CREB5: variants seen among roughly 807,000 people sequenced by gnomAD.
CREB5 encodes the protein cAMP responsive element binding protein 5.
CREB5 carries 19 observed loss-of-function variants against 57.1 expected under a neutral mutation model. The observed-to-expected ratio is 0.33, with a 90% confidence interval of 0.23 to 0.49. The LOEUF (loss-of-function observed/expected upper bound fraction) is 0.49, where lower values mean the gene tolerates loss of function less well. CREB5 is among the 20% of genes least tolerant of loss of function. The probability of loss-of-function intolerance (pLI) is 0.99; values close to 1 mark genes in which losing one functional copy is unlikely to be tolerated. For synonymous variants in CREB5, 238 were observed against 238.3 expected (o/e 1.00, Z 0.01); for missense variants, 579 against 671.6 (o/e 0.86, Z 1.52).
intron 5 of CREB5, among the ~76,000 whole-genome samples, chr7:28,580,891 A>T (rs150711613): frequency 6.6e-6 from 1 of 152,024 alleles, no homozygotes; most frequent in Admixed American, 6.6e-5. Context: ...TTGAGCTTCA[A>T]ATTGAATGAA....
At chr7:28,617,273 C>T (rs1797628096) in intron 5 of CREB5, among the ~76,000 whole-genome samples, 1 of 152,218 alleles carries the variant, frequency 6.6e-6, no homozygotes, top group African/African-American at 2.4e-5. Context: ...GAAACGAAAA[C>T]CTGATCTGTG....
At chr7:28,681,228 T>C (rs545488154) in intron 5 of CREB5, among the ~76,000 whole-genome samples, 2 of 152,296 alleles carry the variant, frequency 1.3e-5, no homozygotes, top group African/African-American at 4.8e-5. Context: ...TTTAGGAAGC[T>C]GCATAAAAAG....
intron 4 of CREB5, among the ~76,000 whole-genome samples, chr7:28,509,173 A>T (rs1464875272): frequency 6.6e-6 from 1 of 152,194 alleles, no homozygotes; most frequent in Admixed American, 6.5e-5. Context: ...TATAAGAAAG[A>T]TGTGTATTTC....
intron 5 of CREB5, among the ~76,000 whole-genome samples, chr7:28,687,987 C>A (rs904865479): frequency 2.0e-5 from 3 of 152,220 alleles, no homozygotes; most frequent in East Asian, 1.9e-4. Context: ...TCTTTCCACT[C>A]GAAAGTTCTA....
At chr7:28,810,039 T>G (rs1809014324) in intron 9 of CREB5, among the ~76,000 whole-genome samples, 1 of 152,180 alleles carries the variant, frequency 6.6e-6, no homozygotes, top group South Asian at 2.1e-4. Context: ...GAATCTTGCT[T>G]AATTTTTGCT....
intron 4 of CREB5, among the ~76,000 whole-genome samples, chr7:28,509,392 T>C (rs940138100): frequency 6.6e-6 from 1 of 152,196 alleles, no homozygotes; most frequent in East Asian, 1.9e-4. Context: ...ATGGTTTGCT[T>C]CCCCTGAGGA....
intron 1 of CREB5, among the ~76,000 whole-genome samples, chr7:28,369,264 G>A (rs1414434045): frequency 6.6e-6 from 1 of 152,184 alleles, no homozygotes; most frequent in East Asian, 1.9e-4. Context: ...AAGCACAGGA[G>A]CATGGCCAGT....
intron 1 of CREB5, among the ~76,000 whole-genome samples, chr7:28,390,181 T>C (rs1787188882): frequency 6.6e-6 from 1 of 152,174 alleles, no homozygotes; most frequent in Admixed American, 6.6e-5. Flanking sequence ...AATTGATGAT[T>C]GCCTGGGGCT....
chr7:28,463,679 G>A (rs1324035091), intron 1 of CREB5, among the ~76,000 whole-genome samples: 3 of 152,090 alleles, frequency 2.0e-5, no homozygotes, highest in Admixed American at 2.0e-4. Flanking sequence ...GATGCTTACT[G>A]TAAATAAAAT....
chr7:28,732,844 T>G (rs1050718093), intron 7 of CREB5, among the ~76,000 whole-genome samples: 1 of 41,124 alleles, frequency 2.4e-5, no homozygotes, highest in Non-Finnish European at 7.5e-5. Context: ...TTTAGGGTTG[T>G]TTTTTTTTTT....
At chr7:28,809,092 C>T (rs1808931480) in intron 8 of CREB5, 95 bp from the exon 9 acceptor site, 1 of 1,133,634 alleles carries the variant, frequency 8.8e-7, no homozygotes, top group Admixed American at 2.4e-5. Context: ...GATAGACTTT[C>T]TGTGCTTTGC....
intron 1 of CREB5, among the ~76,000 whole-genome samples, chr7:28,331,247 C>A (rs1785710499): frequency 6.6e-6 from 1 of 152,046 alleles, no homozygotes; most frequent in Admixed American, 6.5e-5. Context: ...AATCACCCAT[C>A]CATCCCATGA....
chr7:28,397,313 T>C (rs1345741741), intron 1 of CREB5, among the ~76,000 whole-genome samples: 1 of 152,094 alleles, frequency 6.6e-6, no homozygotes, highest in Non-Finnish European at 1.5e-5. Flanking sequence ...ATGAAATGAG[T>C]GATGGCAGCT....
chr7:28,573,389 A>C (rs1209528482), intron 5 of CREB5, among the ~76,000 whole-genome samples: 1 of 152,192 alleles, frequency 6.6e-6, no homozygotes, highest in Non-Finnish European at 1.5e-5. Context: ...TGCCATGGCT[A>C]CTGGCCAAGA....
chr7:28,693,143 G>GT (rs1468040304), intron 5 of CREB5, among the ~76,000 whole-genome samples: 1 of 151,924 alleles, frequency 6.6e-6, no homozygotes, highest in African/African-American at 2.4e-5. Flanking sequence ...CTGCTTTATG[G>GT]TTTTTTTTCT....
chr7:28,732,308 CCT>C (rs147158699), intron 7 of CREB5, among the ~76,000 whole-genome samples: 19 of 152,200 alleles, frequency 1.2e-4, no homozygotes, highest in Non-Finnish European at 2.4e-4. Flanking sequence ...TTGCTAGCTG[CCT>C]CTGTCACCCA....
At chr7:28,456,375 T>TCAGTCTTTGGAGACTTGTCCC (rs1325765608) in intron 1 of CREB5, among the ~76,000 whole-genome samples, 6 of 152,246 alleles carry the variant, frequency 3.9e-5, no homozygotes, top group Non-Finnish European at 7.3e-5. Context: ...TCATGAAGGT[T>TCAGTCTTTGGAGACTTGTCCC]CAGTCTTTGG....
chr7:28,414,304 G>A (rs567172133), intron 1 of CREB5, among the ~76,000 whole-genome samples: 1 of 150,284 alleles, frequency 6.7e-6, no homozygotes, highest in South Asian at 2.1e-4. Flanking sequence ...TTTTTTAGAG[G>A]CAGCTTTCTT....
In CREB5 at chr7:28,819,357, T is replaced by A; in HGVS notation, c.*78T>A. ...TTTCTTTTAAGGGCATTTTTAGAAT[T>A]AACTCAGACCTGGAAGACTCCTCAG... On this transcript the variant is annotated 3_prime_UTR_variant, in exon 11 of 11. Coordinates refer to ENST00000357727, the MANE Select transcript of CREB5 (RefSeq NM_182898.4). 1 of 1,445,570 alleles carries A rather than the reference T, an allele frequency of 6.9e-7. No individual in the cohort carries two copies. Among genetic ancestry groups the A allele is most frequent in the Non-Finnish European group, 9.4e-7 (1 of 1,069,484 alleles). The allele number at this position is 1,445,570 out of a possible 1,614,324, so 89.5% of individuals were successfully genotyped here.
Sources: allele counts gnomAD v4.1 joint callset (sites outside exome capture counted in the v4.1 genomes callset), GRCh38; gene constraint gnomAD v4.1.1; transcripts MANE v1.5; gene names NCBI Gene and HGNC (gene_info 2026-07-23, HGNC 2026-07-21).